The following DNAAF4 variants were observed in gnomAD, a reference collection of about 807,000 sequenced individuals.
The protein encoded by DNAAF4 is dynein assembly factor 4, axonemal.
Under a neutral mutation model 51.8 loss-of-function variants are expected in DNAAF4, and 43 were observed. That is an observed-to-expected ratio of 0.83 (90% confidence interval 0.65 to 1.07). DNAAF4 has a LOEUF of 1.07. Among genes scored for constraint, DNAAF4 ranks in the 50% least tolerant of loss-of-function variants. The pLI is 0.00. For missense variants in DNAAF4, 581 were observed against 493.0 expected (o/e 1.18, Z -1.69); for synonymous variants, 194 against 165.6 (o/e 1.17, Z -1.32).
chr15:55,482,033 G>A (rs544263960), intron 4 of DNAAF4, among the ~76,000 whole-genome samples: 1 of 152,306 alleles, frequency 6.6e-6, no homozygotes, highest in East Asian at 1.9e-4. Context: ...TGCAATCGGG[G>A]CTCTTGAGCT....
chr15:55,453,321 G>A (rs1289569052), intron 5 of DNAAF4, among the ~76,000 whole-genome samples: 2 of 151,886 alleles, frequency 1.3e-5, no homozygotes, highest in African/African-American at 4.8e-5. Flanking sequence ...TAGTGGTCAG[G>A]CAAAAAAGCA....
intron 1 of DNAAF4, among the ~76,000 whole-genome samples, chr15:55,503,534 T>C (rs2058710609): frequency 6.6e-6 from 1 of 152,158 alleles, no homozygotes; most frequent in South Asian, 2.1e-4. Context: ...AATAAAATAC[T>C]GGCAAACCGA....
chr15:55,501,284 G>T (rs1270328050), intron 1 of DNAAF4, among the ~76,000 whole-genome samples: 1 of 151,620 alleles, frequency 6.6e-6, no homozygotes, highest in Non-Finnish European at 1.5e-5. Context: ...AGATGGTCTC[G>T]ATCTCCTGAC....
intron 1 of DNAAF4, among the ~76,000 whole-genome samples, chr15:55,505,690 C>G (rs2058723624): frequency 6.6e-6 from 1 of 151,996 alleles, no homozygotes; most frequent in Admixed American, 6.6e-5. Context: ...ACCACGTGTT[C>G]TCACTCGTAA....
chr15:55,432,666 C>A, intron 8 of DNAAF4, 64 bp from the exon 9 acceptor site: 1 of 1,451,778 alleles, frequency 6.9e-7, no homozygotes, highest in Non-Finnish European at 9.4e-7. Flanking sequence ...AAGCAAAAGG[C>A]TGGGCATGGT....
intron 4 of DNAAF4, among the ~76,000 whole-genome samples, chr15:55,488,905 A>G (rs1229195164): frequency 3.3e-5 from 5 of 152,052 alleles, no homozygotes; most frequent in Non-Finnish European, 7.4e-5. Context: ...TGGCTAACAC[A>G]GTGAAACCCT....
At chr15:55,447,472 CCA>C (rs2057851841) in intron 6 of DNAAF4, among the ~76,000 whole-genome samples, 1 of 151,826 alleles carries the variant, frequency 6.6e-6, no homozygotes, top group East Asian at 2.0e-4. Context: ...CCACTGCACT[CCA>C]GTCTGGGCAA....
intron 5 of DNAAF4, among the ~76,000 whole-genome samples, chr15:55,463,887 G>A (rs999306368): frequency 1.3e-5 from 2 of 152,076 alleles, no homozygotes; most frequent in African/African-American, 4.8e-5. Context: ...ACTGCCAAAA[G>A]CAATCTACAA....
Position 55,498,254 on chromosome 15 carries a change from C to T in DNAAF4, c.76G>A (p.Val26Met). 6.2e-7 allele frequency: 1 copy of T among 1,613,918 alleles called. No individual in the cohort carries two copies. Among genetic ancestry groups the T allele is most frequent in the East Asian group, 2.2e-5 (1 of 44,862 alleles). Residue 26 changes from valine (V) to methionine (M), a missense_variant, in exon 2 of 10, where the codon GTG becomes ATG. Physicochemically the swap from Val to Met is conservative, Grantham distance 21. Transcript: ENST00000321149. Reference sequence around the variant, plus strand: ...AACACGTCCGTGTCTCTGACGCACACGCCTTTGAGGGGCAGAGACAGAAAG... The same window carrying T: ...AACACGTCCGTGTCTCTGACGCACATGCCTTTGAGGGGCAGAGACAGAAAG... ...AVFLSLPLKG[V>M]CVRDTDVFCT...
At chr15:55,482,751 A>G (rs1049129835) in intron 4 of DNAAF4, among the ~76,000 whole-genome samples, 1 of 152,234 alleles carries the variant, frequency 6.6e-6, no homozygotes, top group African/African-American at 2.4e-5. Flanking sequence ...TAGTAGTACT[A>G]TTTGTAATAG....
At chr15:55,464,671 G>T (rs2058142207) in intron 5 of DNAAF4, among the ~76,000 whole-genome samples, 1 of 152,086 alleles carries the variant, frequency 6.6e-6, no homozygotes, top group East Asian at 1.9e-4. Context: ...CTCAAAAGAA[G>T]ATATACAAAT....
intron 8 of DNAAF4, 133 bp downstream of exon 8, chr15:55,434,772 A>T: frequency 1.2e-6 from 1 of 843,728 alleles, no homozygotes; most frequent in Non-Finnish European, 1.7e-6. Context: ...AAAAAAAAAG[A>T]TTCAATAAGA....
chr15:55,507,066 G>A (rs2058731002), intron 1 of DNAAF4, among the ~76,000 whole-genome samples: 1 of 152,030 alleles, frequency 6.6e-6, no homozygotes, highest in Admixed American at 6.6e-5. Context: ...GGCCAGGCTG[G>A]TCTCGAACTT....
chr15:55,434,227 T>C (rs975049545), intron 8 of DNAAF4, among the ~76,000 whole-genome samples: 2 of 149,440 alleles, frequency 1.3e-5, no homozygotes, highest in Non-Finnish European at 2.9e-5. Context: ...TTGTGGGCTT[T>C]TGTATTCAGA....
intron 7 of DNAAF4, among the ~76,000 whole-genome samples, chr15:55,424,574 T>A (rs1221897177): frequency 6.6e-6 from 1 of 152,188 alleles, no homozygotes; most frequent in Admixed American, 6.5e-5. Context: ...CTTTTTTGAC[T>A]AGGCCCCATC....
chr15:55,476,108 A>C (rs2058331198), intron 4 of DNAAF4, among the ~76,000 whole-genome samples: 2 of 152,170 alleles, frequency 1.3e-5, no homozygotes, highest in Non-Finnish European at 2.9e-5. Context: ...AATACCTTCC[A>C]AGACAAATGA....
intron 8 of DNAAF4, among the ~76,000 whole-genome samples, chr15:55,433,951 T>TATTTTATATAATATATTATAATATC (rs2057557776): frequency 1.4e-3 from 1 of 732 alleles, no homozygotes; most frequent in Admixed American, 0.028. Flanking sequence ...ATATAATATA[T>TATTTTATATAATATATTATAATATC]ATAATATATA....
At chr15:55,505,082 A>C (rs998045442) in intron 1 of DNAAF4, among the ~76,000 whole-genome samples, 6 of 152,172 alleles carry the variant, frequency 3.9e-5, no homozygotes, top group African/African-American at 1.4e-4. Context: ...CAAGAAAAAA[A>C]CAACCCCATC....
chr15:55,422,654 C>T (rs1008202804), intron 7 of DNAAF4, among the ~76,000 whole-genome samples: 2 of 152,112 alleles, frequency 1.3e-5, no homozygotes, highest in Non-Finnish European at 2.9e-5. Flanking sequence ...GAATTGAGAA[C>T]TGACCTTTGA....
Sources: allele counts gnomAD v4.1 joint callset (sites outside exome capture counted in the v4.1 genomes callset), GRCh38; gene constraint gnomAD v4.1.1; transcripts MANE v1.5; gene names NCBI Gene and HGNC (gene_info 2026-07-23, HGNC 2026-07-21).